Variants in GPC5 observed in about 807,000 individuals in gnomAD.
The protein encoded by GPC5 is glypican 5.
Under a neutral mutation model 53.9 loss-of-function variants are expected in GPC5, and 47 were observed. The ratio of observed to expected loss-of-function variants is 0.87; its 90% CI spans 0.69 to 1.11. The LOEUF is 1.11. GPC5 is among the 50% of genes most tolerant of loss of function. The pLI is 0.00. For synonymous variants in GPC5, 286 were observed against 263.3 expected, an observed-to-expected ratio of 1.09 and a Z score of -0.84; for missense variants, 748 against 713.1, an observed-to-expected ratio of 1.05 and a Z score of -0.56.
chr13:91,659,946 C>T (rs2034945471), intron 2 of GPC5, among the ~76,000 whole-genome samples: 2 of 152,096 alleles, frequency 1.3e-5, no homozygotes, highest in Non-Finnish European at 2.9e-5. Context: ...GGTAGTCAGT[C>T]ATCATTGCTT....
At chr13:91,502,642 T>C (rs915114703) in intron 2 of GPC5, among the ~76,000 whole-genome samples, 3 of 152,194 alleles carry the variant, frequency 2.0e-5, no homozygotes, top group African/African-American at 7.2e-5. Flanking sequence ...ATATATCAAG[T>C]GAATAAAATA....
intron 7 of GPC5, among the ~76,000 whole-genome samples, chr13:92,220,951 G>A (rs1394765286): frequency 6.6e-6 from 1 of 152,110 alleles, no homozygotes; most frequent in Non-Finnish European, 1.5e-5. Flanking sequence ...GTGAGGGGTG[G>A]AGGTTGTGTA....
chr13:91,437,448 C>G (rs1566396257), intron 1 of GPC5, among the ~76,000 whole-genome samples: 1 of 152,076 alleles, frequency 6.6e-6, no homozygotes. Context: ...ATTTATGAAG[C>G]TTAGTTTGGT....
At chr13:92,678,882 T>C (rs1330022609) in intron 7 of GPC5, among the ~76,000 whole-genome samples, 1 of 152,144 alleles carries the variant, frequency 6.6e-6, no homozygotes, top group Non-Finnish European at 1.5e-5. Flanking sequence ...TGGTCATATT[T>C]TGAAAATATT....
intron 7 of GPC5, among the ~76,000 whole-genome samples, chr13:92,417,603 T>TG (rs1402197599): frequency 2.6e-5 from 4 of 152,168 alleles, no homozygotes; most frequent in African/African-American, 9.7e-5. Flanking sequence ...ACTGGTGTGG[T>TG]GGCTCATGGT....
chr13:91,518,964 G>A (rs1222681393), intron 2 of GPC5, among the ~76,000 whole-genome samples: 1 of 152,162 alleles, frequency 6.6e-6, no homozygotes, highest in Non-Finnish European at 1.5e-5. Flanking sequence ...TCTTCCCACT[G>A]TGCCATGTCC....
At position 92,554,949 on chromosome 13, in the gene GPC5, T is replaced by TA. The variant is rs1186840551; in HGVS notation, c.1562-311333_1562-311332insA. Among the ~76,000 whole-genome samples, 67 of 150,888 alleles carry TA rather than the reference T, an allele frequency of 4.4e-4. 1 individual carries two copies. Among genetic ancestry groups the TA allele is most frequent in the East Asian group, 3.9e-4 (2 of 5,158 alleles). On this transcript the variant is annotated intron_variant, in intron 7 of 7. Transcript: ENST00000377067. ...ATGTAAGTTTTGAGTTTGTTTTTTT[T>TA]TTATTTTTCTCTATGTTCTGGCACT...
chr13:91,881,362 A>G (rs2039262009), intron 5 of GPC5, among the ~76,000 whole-genome samples: 1 of 152,070 alleles, frequency 6.6e-6, no homozygotes, highest in Non-Finnish European at 1.5e-5. Context: ...CTCTCTTGAT[A>G]TATTACCCAT....
intron 2 of GPC5, among the ~76,000 whole-genome samples, chr13:91,500,616 C>A (rs936899164): frequency 3.3e-5 from 5 of 152,176 alleles, no homozygotes; most frequent in Non-Finnish European, 5.9e-5. Flanking sequence ...TAGGCATAGA[C>A]TGATATTGGC....
intron 6 of GPC5, among the ~76,000 whole-genome samples, chr13:92,055,991 T>C (rs778919024): frequency 6.6e-6 from 1 of 152,202 alleles, no homozygotes; most frequent in Non-Finnish European, 1.5e-5. Flanking sequence ...TTTATTGATT[T>C]ATGTTAGCTA....
intron 7 of GPC5, among the ~76,000 whole-genome samples, chr13:92,263,806 A>T (rs1330630192): frequency 6.6e-6 from 1 of 152,168 alleles, no homozygotes. Flanking sequence ...AAATCTTTAA[A>T]GGTTCAGGCC....
Position 92,632,612 on chromosome 13 carries a change from C to A in GPC5, c.1562-233670C>A, listed in dbSNP as rs561691224. ...CTAAGAAAATATGTAATTACTAGGA[C>A]TGTAAACTGTATTTATATCAGATAA... On this transcript the variant is annotated intron_variant, in intron 7 of 7. Transcript: ENST00000377067. 5.9e-5 allele frequency among the ~76,000 whole-genome samples: 9 copies of A among 151,834 alleles called. 1 individual carries two copies. In the East Asian group the frequency reaches 1.7e-3, roughly 29 times the overall value.
chr13:92,797,764 TGATA>T (rs1008167797), intron 7 of GPC5, among the ~76,000 whole-genome samples: 25 of 151,192 alleles, frequency 1.7e-4, no homozygotes, highest in African/African-American at 4.4e-4. Flanking sequence ...ATATAAGAGA[TGATA>T]GATAGATATA....
chr13:92,225,449 A>G (rs746210262), intron 7 of GPC5, among the ~76,000 whole-genome samples: 3 of 152,180 alleles, frequency 2.0e-5, no homozygotes, highest in Non-Finnish European at 4.4e-5. Context: ...TGACTTTGTA[A>G]TTTCCGTCTG....
intron 7 of GPC5, among the ~76,000 whole-genome samples, chr13:92,589,711 AATC>A (rs1883657184): frequency 6.6e-6 from 1 of 152,214 alleles, no homozygotes; most frequent in Non-Finnish European, 1.5e-5. Flanking sequence ...GTGGTGACCC[AATC>A]AAGTTATTTT....
chr13:91,484,551 AATATGTGT>A (rs1294721541), intron 2 of GPC5, among the ~76,000 whole-genome samples: 1 of 152,140 alleles, frequency 6.6e-6, no homozygotes, highest in African/African-American at 2.4e-5. Context: ...AGACAATTAC[AATATGTGT>A]ATATGTATTT....
intron 7 of GPC5, among the ~76,000 whole-genome samples, chr13:92,585,560 A>G (rs562025336): frequency 6.6e-6 from 1 of 152,202 alleles, no homozygotes; most frequent in South Asian, 2.1e-4. Context: ...ACTTTGGACT[A>G]TAGGCTTTTG....
chr13:92,497,086 T>C (rs1880007664), intron 7 of GPC5, among the ~76,000 whole-genome samples: 1 of 152,230 alleles, frequency 6.6e-6, no homozygotes, highest in East Asian at 1.9e-4. Context: ...TTTCTTTTGC[T>C]GTGCAGAAGT....
chr13:91,810,661 T>G (rs993912379), intron 5 of GPC5, among the ~76,000 whole-genome samples: 4 of 151,928 alleles, frequency 2.6e-5, no homozygotes, highest in African/African-American at 4.8e-5. Flanking sequence ...AAAGGGAGGA[T>G]AACTTCAAGG....
Sources: allele counts gnomAD v4.1 joint callset (sites outside exome capture counted in the v4.1 genomes callset), GRCh38; gene constraint gnomAD v4.1.1; transcripts MANE v1.5; gene names NCBI Gene and HGNC (gene_info 2026-07-23, HGNC 2026-07-21).